Variants in DCAF8L2 observed in about 807,000 individuals in gnomAD.
The protein encoded by DCAF8L2 is DDB1- and CUL4-associated factor 8-like protein 2.
For synonymous variants in DCAF8L2, 200 were observed against 190.9 expected, an observed-to-expected ratio of 1.05 and a Z score of -0.39; for missense variants, 430 against 490.7, an observed-to-expected ratio of 0.88 and a Z score of 1.17.
chrX:27,604,005 T>A (rs1481217995), intron 1 of DCAF8L2, among the ~76,000 whole-genome samples: 1 of 111,652 alleles, frequency 9.0e-6, no homozygotes, highest in Non-Finnish European at 1.9e-5. Context: ...TAAAATAATT[T>A]TAATAACTAC....
chrX:27,652,110 T>C (rs958046574), intron 2 of DCAF8L2, among the ~76,000 whole-genome samples: 4 of 110,625 alleles, frequency 3.6e-5, no homozygotes, highest in Non-Finnish European at 7.6e-5. Flanking sequence ...ACATGCAGAA[T>C]TCTTAGGAGT....
upstream of DCAF8L2, among the ~76,000 whole-genome samples, chrX:27,587,224 A>C (rs1419356638): frequency 1.8e-5 from 2 of 111,951 alleles, no homozygotes; most frequent in Non-Finnish European, 3.8e-5. Context: ...TATGTAGTAC[A>C]TACTTGCAAA....
intron 3 of DCAF8L2, among the ~76,000 whole-genome samples, chrX:27,690,865 A>G (rs757221426): frequency 3.8e-4 from 43 of 111,941 alleles, no homozygotes; most frequent in African/African-American, 1.3e-3. Context: ...AGAACAACTA[A>G]TATCCCTAAA....
At chrX:27,733,069 G>T (rs1039471488) in intron 4 of DCAF8L2, among the ~76,000 whole-genome samples, 4 of 110,709 alleles carry the variant, frequency 3.6e-5, no homozygotes, top group Non-Finnish European at 7.6e-5. Context: ...GTGTTAGCCA[G>T]GATGGTCTCG....
the DCAF8L2 span, among the ~76,000 whole-genome samples, chrX:27,568,946 AACACACACACAC>A: frequency 0.02 from 1,721 of 86,526 alleles, 54 homozygotes; most frequent in African/African-American, 0.073. Context: ...TTGGAACTCA[AACACACACACAC>A]ACACACACAC....
At chrX:27,738,373 T>A (rs956149005) in intron 4 of DCAF8L2, among the ~76,000 whole-genome samples, 3 of 111,870 alleles carry the variant, frequency 2.7e-5, no homozygotes, top group Non-Finnish European at 5.6e-5. Context: ...CATTTGCTGA[T>A]CAGAGCAAAC....
At chrX:27,548,864 C>G in the DCAF8L2 span, among the ~76,000 whole-genome samples, 4 of 111,603 alleles carry the variant, frequency 3.6e-5, no homozygotes, top group African/African-American at 1.3e-4. Context: ...TGGTCATGCC[C>G]CAGAGAAGAA....
chrX:27,715,919 A>C (rs1258745960), intron 3 of DCAF8L2, among the ~76,000 whole-genome samples, 169 bp from the exon 4 acceptor site: 1 of 112,363 alleles, frequency 8.9e-6, no homozygotes, highest in Non-Finnish European at 1.9e-5. Context: ...TAACATTATT[A>C]TTGTCAAATA....
intron 1 of DCAF8L2, among the ~76,000 whole-genome samples, chrX:27,617,597 A>G (rs1281647764): frequency 1.8e-5 from 2 of 111,334 alleles, no homozygotes; most frequent in Admixed American, 9.6e-5. Context: ...ATCTTCCATT[A>G]TCTTACCTCT....
At chrX:27,646,580 G>A (rs1326201164) in intron 2 of DCAF8L2, among the ~76,000 whole-genome samples, 2 of 111,299 alleles carry the variant, frequency 1.8e-5, no homozygotes, top group Admixed American at 1.9e-4. Context: ...TAATTAAAGA[G>A]CTTCTGTACA....
the DCAF8L2 span, among the ~76,000 whole-genome samples, chrX:27,564,251 G>A: frequency 1.7e-4 from 19 of 110,465 alleles, no homozygotes; most frequent in Admixed American, 2.9e-4. Context: ...TCGTGAGAAC[G>A]CACTATCACG....
chrX:27,557,800 G>A, the DCAF8L2 span, among the ~76,000 whole-genome samples: 1 of 100,377 alleles, frequency 1.0e-5, no homozygotes, highest in South Asian at 4.1e-4. Flanking sequence ...AGTGGATCCG[G>A]GTATTGCATT....
intron 1 of DCAF8L2, among the ~76,000 whole-genome samples, chrX:27,602,049 C>T (rs1926669477): frequency 9.0e-6 from 1 of 111,714 alleles, no homozygotes; most frequent in African/African-American, 3.3e-5. Context: ...GATATGTAGG[C>T]CTGCTTTCTT....
chrX:27,525,346 T>C, the DCAF8L2 span, among the ~76,000 whole-genome samples: 1 of 111,797 alleles, frequency 8.9e-6, no homozygotes, highest in Non-Finnish European at 1.9e-5. Flanking sequence ...GAGACTAGGA[T>C]TGCAACTCCT....
In DCAF8L2 at chrX:27,644,367, A is replaced by T. The variant is rs73530646; in HGVS notation, c.-220+12367A>T. Among the ~76,000 whole-genome samples the T allele has an allele frequency of 7.3e-3, 821 of 111,835 alleles. 2 individuals carry two copies. Among genetic ancestry groups the T allele is most frequent in the African/African-American group, 0.025 (765 of 30,777 alleles). On this transcript the variant is annotated intron_variant, in intron 2 of 4. Transcript: ENST00000451261. Reference sequence around the variant, plus strand: ...GGTACACAGGAAAGACACAGAGGAGATATTCAATTACTGTATGTCAAGTGA... The same window carrying T: ...GGTACACAGGAAAGACACAGAGGAGTTATTCAATTACTGTATGTCAAGTGA...
At chrX:27,658,073 G>T (rs1929419082) in intron 2 of DCAF8L2, among the ~76,000 whole-genome samples, 1 of 112,418 alleles carries the variant, frequency 8.9e-6, no homozygotes, top group Non-Finnish European at 1.9e-5. Context: ...GTTTGTGTTG[G>T]CTTCATAGTT....
chrX:27,482,609 T>A, the DCAF8L2 span, among the ~76,000 whole-genome samples: 3 of 111,869 alleles, frequency 2.7e-5, no homozygotes, highest in African/African-American at 9.7e-5. Context: ...ATCTGATCTT[T>A]GAATATGTTG....
chrX:27,626,345 T>G (rs1229006155), intron 1 of DCAF8L2, among the ~76,000 whole-genome samples: 2 of 112,111 alleles, frequency 1.8e-5, no homozygotes, highest in African/African-American at 6.5e-5. Context: ...TACCCTGGCT[T>G]CTCACCTCCA....
intron 1 of DCAF8L2, among the ~76,000 whole-genome samples, chrX:27,618,437 A>G (rs1927576748): frequency 1.8e-5 from 2 of 111,673 alleles, no homozygotes; most frequent in Admixed American, 9.5e-5. Context: ...TCAAAACACA[A>G]TTTTCTTTTT....
Sources: allele counts gnomAD v4.1 joint callset (sites outside exome capture counted in the v4.1 genomes callset), GRCh38; gene constraint gnomAD v4.1.1; transcripts MANE v1.5; gene names NCBI Gene and HGNC (gene_info 2026-07-23, HGNC 2026-07-21).